FMNL2: variants seen among roughly 807,000 people sequenced by gnomAD.
FMNL2 encodes the protein formin-like protein 2.
A neutral mutation model predicts 130.2 loss-of-function variants in FMNL2; 51 were observed. The ratio of observed to expected loss-of-function variants is 0.39; its 90% CI spans 0.31 to 0.49. FMNL2 has a LOEUF of 0.49. Among genes scored for constraint, FMNL2 ranks in the 20% least tolerant of loss-of-function variants. FMNL2 has a pLI of 0.85. For synonymous variants in FMNL2, 465 were observed against 467.1 expected, an observed-to-expected ratio of 1.00 and a Z score of 0.06; for missense variants, 977 against 1,316.2, an observed-to-expected ratio of 0.74 and a Z score of 3.99.
intron 1 of FMNL2, among the ~76,000 whole-genome samples, chr2:152,372,413 A>G (rs10177081): frequency 0.48 from 72,705 of 152,036 alleles, 18,284 homozygotes; most frequent in East Asian, 0.95. Flanking sequence ...CATGCACCAT[A>G]GGTGCATTCT....
chr2:152,473,925 A>G (rs1168171276), intron 1 of FMNL2, among the ~76,000 whole-genome samples: 2 of 152,188 alleles, frequency 1.3e-5, no homozygotes, highest in Admixed American at 1.3e-4. Context: ...CCCAGGCTGG[A>G]GTGCAGTGAC....
Position 152,416,661 on chromosome 2 carries a change from A to AGCCAG in FMNL2, c.117+80952_117+80956dup, listed in dbSNP as rs1312611900. On this transcript the variant is annotated intron_variant, in intron 1 of 25. Coordinates refer to ENST00000288670, the MANE Select transcript of FMNL2 (RefSeq NM_052905.4). ...TCTAGAGTTGTCCATGCTGACTTCTAGCCAGGCCAGGCCAGTGGCACTTCT... is the reference window on the plus strand; with the variant it reads ...TCTAGAGTTGTCCATGCTGACTTCTAGCCAGGCCAGGCCAGGCCAGTGGCACTTCT... Among the ~76,000 whole-genome samples the AGCCAG allele has an allele frequency of 1.1e-4, 16 of 152,350 alleles. No individual in the cohort carries two copies. In the South Asian group the frequency reaches 3.1e-3, roughly 30 times the overall value.
rs935173890 is a variant in FMNL2, at chr2:152,616,019, A to T, written c.1212+1019A>T. Among the ~76,000 whole-genome samples the T allele has an allele frequency of 9.2e-5, 14 of 152,292 alleles. 2 individuals are homozygous for T. In the Middle Eastern group the frequency reaches 0.01, roughly 111 times the overall value. ...AAAAAGAGAATTTTACAGGCCCAGT[A>T]TATCTTCCCTTAGAAGATTTGTGTT... On this transcript the variant is annotated intron_variant, in intron 12 of 25. Coordinates refer to ENST00000288670, the MANE Select transcript of FMNL2 (RefSeq NM_052905.4).
At chr2:152,512,640 C>T (rs1409161660) in intron 1 of FMNL2, among the ~76,000 whole-genome samples, 1 of 152,124 alleles carries the variant, frequency 6.6e-6, no homozygotes, top group African/African-American at 2.4e-5. Flanking sequence ...AAAAGGATGG[C>T]AACAGTGTGA....
intron 1 of FMNL2, among the ~76,000 whole-genome samples, chr2:152,499,251 T>C (rs927054670): frequency 2.0e-5 from 3 of 152,204 alleles, no homozygotes; most frequent in Admixed American, 1.3e-4. Context: ...TAAAAAGCTG[T>C]TGAGGCTTCA....
rs374075750 is a variant in FMNL2, at chr2:152,450,916, G to T, written c.118-71027G>T. On this transcript the variant is annotated intron_variant, in intron 1 of 25. Coordinates refer to ENST00000288670, the MANE Select transcript of FMNL2 (RefSeq NM_052905.4). Reference sequence around the variant, plus strand: ...ATTACCCATGGCGGTGGATTTTGAAGGTTCTTCTGGGATGTGGCAGGTCGC... The same window carrying T: ...ATTACCCATGGCGGTGGATTTTGAATGTTCTTCTGGGATGTGGCAGGTCGC... 4.6e-5 allele frequency among the ~76,000 whole-genome samples: 7 copies of T among 152,344 alleles called. No individual in the cohort carries two copies. The East Asian group carries it at 7.7e-4, about 17-fold the overall frequency.
chr2:152,545,143 G>A (rs139572136), intron 3 of FMNL2, among the ~76,000 whole-genome samples: 116 of 152,276 alleles, frequency 7.6e-4, no homozygotes, highest in African/African-American at 2.7e-3. Flanking sequence ...GGAGCTGGCA[G>A]GAGGAAATGA....
chr2:152,508,394 C>T (rs1414405599), intron 1 of FMNL2, among the ~76,000 whole-genome samples: 2 of 152,172 alleles, frequency 1.3e-5, no homozygotes, highest in Non-Finnish European at 2.9e-5. Flanking sequence ...TTGCATTTCC[C>T]TCTGGAAGAA....
intron 1 of FMNL2, among the ~76,000 whole-genome samples, chr2:152,365,006 G>A (rs1683428872): frequency 6.6e-6 from 1 of 152,198 alleles, no homozygotes; most frequent in Non-Finnish European, 1.5e-5. Flanking sequence ...TGTGTGCCCA[G>A]CACATAATAT....
At chr2:152,336,284 G>A (rs1420765563) in intron 1 of FMNL2, among the ~76,000 whole-genome samples, 1 of 152,078 alleles carries the variant, frequency 6.6e-6, no homozygotes, top group African/African-American at 2.4e-5. Context: ...GAGCTTCCCC[G>A]AAAGGGAAAG....
intron 2 of FMNL2, among the ~76,000 whole-genome samples, chr2:152,538,008 G>A (rs1219420155): frequency 1.3e-5 from 2 of 152,174 alleles, no homozygotes; most frequent in Non-Finnish European, 2.9e-5. Context: ...GCTTGAGTGA[G>A]CTAAGAGGTC....
At chr2:152,376,103 A>C (rs1684156020) in intron 1 of FMNL2, among the ~76,000 whole-genome samples, 1 of 151,994 alleles carries the variant, frequency 6.6e-6, no homozygotes, top group Non-Finnish European at 1.5e-5. Context: ...CATGTTGGCC[A>C]GGCTGGCCTT....
chr2:152,640,865 CA>C lies in FMNL2; in HGVS notation c.3121del (p.Arg1041AspfsTer29). 1 of 1,613,788 alleles carries C rather than the reference CA, an allele frequency of 6.2e-7. No individual in the cohort carries two copies. Among genetic ancestry groups the C allele is most frequent in the Non-Finnish European group, 8.5e-7 (1 of 1,179,818 alleles). ...ELRRRQVKDN[R>X]HVYEGKDGAI... ...TAAGAAGACGACAAGTTAAAGATAA[CA>C]GACATGTATATGAGGGAAAAGATGG... On this transcript the variant is annotated frameshift_variant, in exon 25 of 26. Transcript: ENST00000288670. LOFTEE classifies it high-confidence loss of function.
intron 1 of FMNL2, among the ~76,000 whole-genome samples, chr2:152,450,526 A>G (rs556148604): frequency 5.3e-5 from 8 of 152,378 alleles, no homozygotes; most frequent in African/African-American, 1.4e-4. Context: ...TAGATTGTTT[A>G]TTCGAAAAAC....
chr2:152,609,720 A>G (rs189358018), intron 10 of FMNL2, among the ~76,000 whole-genome samples: 2 of 152,256 alleles, frequency 1.3e-5, no homozygotes, highest in East Asian at 1.9e-4. Context: ...AAGATATCCA[A>G]TGTATACCAT....
At chr2:152,627,052 A>G (rs915413500) in intron 17 of FMNL2, among the ~76,000 whole-genome samples, 5 of 152,256 alleles carry the variant, frequency 3.3e-5, no homozygotes, top group African/African-American at 1.2e-4. Flanking sequence ...GCCTCCAGCA[A>G]TGCTTACATA....
At chr2:152,427,690 C>T (rs570816968) in intron 1 of FMNL2, among the ~76,000 whole-genome samples, 1 of 151,802 alleles carries the variant, frequency 6.6e-6, no homozygotes, top group South Asian at 2.1e-4. Context: ...AAGGGTAGAA[C>T]ATGGGAAGAC....
At chr2:152,435,665 T>C (rs1182024348) in intron 1 of FMNL2, among the ~76,000 whole-genome samples, 1 of 152,132 alleles carries the variant, frequency 6.6e-6, no homozygotes, top group Non-Finnish European at 1.5e-5. Context: ...AGAGCGTCTC[T>C]CTTGAATATA....
chr2:152,542,608 A>C lies in FMNL2; in HGVS notation c.202-131A>C, dbSNP rs879594316. ...ACCAAGATGCAAAACAGTTAGTACA[A>C]AATGACTGCTCGCAGGGCCACATTT... is the stretch of plus-strand genomic sequence containing the variant. On this transcript the variant is annotated intron_variant, in intron 2 of 25. Transcript: ENST00000288670. 6.1e-6 allele frequency: 5 copies of C among 824,644 alleles called. No individual in the cohort carries two copies. The Admixed American group carries it at 8.5e-5, about 14-fold the overall frequency. The allele number at this position is 824,644 out of a possible 1,614,324, so 51.1% of individuals were successfully genotyped here. A position where few individuals can be genotyped will look rare whatever the true frequency, so the allele number is the denominator to read the frequency against.
Sources: gnomAD v4.1 joint callset for allele counts (sites outside exome capture counted in the v4.1 genomes callset) on GRCh38, gnomAD v4.1.1 for gene constraint, MANE v1.5 for transcripts, NCBI Gene and HGNC (gene_info 2026-07-23, HGNC 2026-07-21) for gene names.